XYLT1: variants seen among roughly 807,000 people sequenced by gnomAD.
XYLT1 encodes beta-D-xylosyltransferase 1.
In XYLT1, 36 loss-of-function variants were observed where a neutral mutation model predicts 91.3. The observed-to-expected ratio is 0.39, with a 90% CI of 0.30 to 0.52. The LOEUF (loss-of-function observed/expected upper bound fraction) is 0.52. XYLT1 is among the 20% of genes least tolerant of loss of function. XYLT1 has a pLI of 0.68. For missense variants in XYLT1, 1,242 were observed against 1,284.5 expected (o/e 0.97, Z 0.51); for synonymous variants, 588 against 532.0 (o/e 1.11, Z -1.45).
intron 6 of XYLT1, among the ~76,000 whole-genome samples, chr16:17,154,033 C>T (rs919146485): frequency 5.9e-5 from 9 of 152,164 alleles, no homozygotes; most frequent in African/African-American, 1.4e-4. Flanking sequence ...GACTCTCAAA[C>T]CTCAGCTGTA....
chr16:17,429,965 C>T (rs1026362950), intron 1 of XYLT1, among the ~76,000 whole-genome samples: 57 of 136,306 alleles, frequency 4.2e-4, no homozygotes, highest in African/African-American at 1.6e-3. Context: ...GAGACAGAGT[C>T]TTGCTCGGTC....
intron 1 of XYLT1, among the ~76,000 whole-genome samples, chr16:17,443,574 G>A (rs191446515): frequency 6.6e-6 from 1 of 152,344 alleles, no homozygotes; most frequent in Admixed American, 6.5e-5. Flanking sequence ...GCGGAACTGT[G>A]AGTCAATTAA....
intron 6 of XYLT1, among the ~76,000 whole-genome samples, chr16:17,147,136 A>AT (rs1345381794): frequency 6.6e-6 from 1 of 152,184 alleles, no homozygotes; most frequent in Non-Finnish European, 1.5e-5. Flanking sequence ...CTCAGCGAAG[A>AT]TTTTTTGTAA....
intron 11 of XYLT1, among the ~76,000 whole-genome samples, chr16:17,113,844 T>C (rs544894247): frequency 6.6e-6 from 1 of 152,356 alleles, no homozygotes; most frequent in Admixed American, 6.5e-5. Flanking sequence ...GAGAGCTGAA[T>C]ACATGGTAGC....
chr16:17,111,650 G>A (rs949160148), intron 11 of XYLT1, among the ~76,000 whole-genome samples: 1 of 152,232 alleles, frequency 6.6e-6, no homozygotes, highest in Non-Finnish European at 1.5e-5. Context: ...AAAGCAGTGA[G>A]AATAGTAGAT....
Position 17,440,127 on chromosome 16 carries a change from C to T in XYLT1, c.363+30307G>A, listed in dbSNP as rs537840671. 3.3e-5 allele frequency among the ~76,000 whole-genome samples: 5 copies of T among 152,328 alleles called. No individual in the cohort carries two copies. The South Asian group carries it at 1.0e-3, about 32-fold the overall frequency. ...CAGCTAACAGCCAGCAAGGAAGGAACTGGGGCCCTTGGTGCAACAGCCCAT... is the reference window on the plus strand; with the variant it reads ...CAGCTAACAGCCAGCAAGGAAGGAATTGGGGCCCTTGGTGCAACAGCCCAT... On this transcript the variant is annotated intron_variant, in intron 1 of 11. Coordinates refer to ENST00000261381, the MANE Select transcript of XYLT1 (RefSeq NM_022166.4).
intron 1 of XYLT1, among the ~76,000 whole-genome samples, chr16:17,379,763 T>TCACACACA (rs71137987): frequency 0.012 from 1,518 of 125,590 alleles, 39 homozygotes; most frequent in African/African-American, 0.039. Flanking sequence ...TCTCTCTCTC[T>TCACACACA]CACACACACA....
At chr16:17,458,304 T>G (rs1373030471) in intron 1 of XYLT1, among the ~76,000 whole-genome samples, 1 of 152,190 alleles carries the variant, frequency 6.6e-6, no homozygotes, top group Non-Finnish European at 1.5e-5. Flanking sequence ...ACTGGCCCAT[T>G]TGGGGACCCA....
In XYLT1 at chr16:17,118,054, C is replaced by T. The variant is rs545505469; in HGVS notation, c.2224-75G>A. The T allele has an allele frequency of 2.5e-5, 37 of 1,451,162 alleles. 1 individual carries two copies. The South Asian group carries it at 4.5e-4, about 18-fold the overall frequency. 89.9% of individuals were successfully genotyped at this position (1,451,162 alleles called of 1,614,324 possible). On this transcript the variant is annotated intron_variant, in intron 10 of 11. Coordinates refer to ENST00000261381, the MANE Select transcript of XYLT1 (RefSeq NM_022166.4). ...TAGGTCTCAGAAAGGTCTAGGATCC[C>T]CTTTGTTAGCTTTCATATACCCATT...
intron 2 of XYLT1, among the ~76,000 whole-genome samples, chr16:17,262,685 T>C (rs750842498): frequency 5.6e-4 from 85 of 152,286 alleles, no homozygotes; most frequent in Non-Finnish European, 8.4e-4. Flanking sequence ...TAAGGTGTCA[T>C]TCCCTGGATA....
intron 1 of XYLT1, among the ~76,000 whole-genome samples, chr16:17,423,408 C>T (rs1166351626): frequency 6.6e-6 from 1 of 152,106 alleles, no homozygotes; most frequent in Non-Finnish European, 1.5e-5. Context: ...ATTCAGAACC[C>T]ATTAAGGCGA....
chr16:17,240,524 T>A (rs965072348), intron 3 of XYLT1, among the ~76,000 whole-genome samples: 1 of 152,130 alleles, frequency 6.6e-6, no homozygotes, highest in African/African-American at 2.4e-5. Flanking sequence ...ATGACAGGGA[T>A]GTTGCAGAAG....
intron 1 of XYLT1, among the ~76,000 whole-genome samples, chr16:17,396,404 G>C (rs2035887228): frequency 6.6e-6 from 1 of 152,172 alleles, no homozygotes; most frequent in Non-Finnish European, 1.5e-5. Flanking sequence ...TGTGAAATGG[G>C]GATAGCAGCA....
chr16:17,412,893 T>G (rs561225893), intron 1 of XYLT1, among the ~76,000 whole-genome samples: 2 of 152,296 alleles, frequency 1.3e-5, no homozygotes, highest in African/African-American at 4.8e-5. Context: ...ACTGGTCAAA[T>G]CCTGAACCTG....
At chr16:17,258,369 T>G (rs2033667674) in intron 3 of XYLT1, among the ~76,000 whole-genome samples, 6 of 124,430 alleles carry the variant, frequency 4.8e-5, no homozygotes, top group Admixed American at 2.7e-4. Context: ...GAGAGGAAAA[T>G]AAGGAAGGGA....
rs193100250 is a variant in XYLT1 at position 17,146,377 on chromosome 16, T to C, written c.1371-5008A>G. On this transcript the variant is annotated intron_variant, in intron 6 of 11. Transcript: ENST00000261381. ...ATCTGTGGGGCAGTGTGGTTTTACC[T>C]GTCACCAGCTGGGTGACTTCAAAAT... 3.2e-4 allele frequency among the ~76,000 whole-genome samples: 48 copies of C among 152,320 alleles called. 1 individual carries two copies. In the East Asian group the frequency reaches 9.1e-3, roughly 29 times the overall value.
intron 1 of XYLT1, among the ~76,000 whole-genome samples, chr16:17,433,113 T>G (rs1361708465): frequency 6.6e-6 from 1 of 151,636 alleles, no homozygotes; most frequent in Admixed American, 6.6e-5. Context: ...CCATCAGCTG[T>G]GTTAGAAAAA....
At chr16:17,174,325 C>T (rs2031892659) in intron 5 of XYLT1, among the ~76,000 whole-genome samples, 1 of 152,116 alleles carries the variant, frequency 6.6e-6, no homozygotes, top group African/African-American at 2.4e-5. Context: ...CCATGCTATT[C>T]ATGGCAGCAC....
At chr16:17,221,936 T>C (rs531516666) in intron 3 of XYLT1, among the ~76,000 whole-genome samples, 240 of 152,270 alleles carry the variant, frequency 1.6e-3, no homozygotes, top group African/African-American at 5.6e-3. Flanking sequence ...GCAGCTCTCC[T>C]ACAGGGCCGT....
Sources: allele counts gnomAD v4.1 joint callset (sites outside exome capture counted in the v4.1 genomes callset), GRCh38; gene constraint gnomAD v4.1.1; transcripts MANE v1.5; gene names NCBI Gene and HGNC (gene_info 2026-07-23, HGNC 2026-07-21).